The following SARNP variants were observed in gnomAD, a reference collection of about 807,000 sequenced individuals.
SARNP encodes SAP domain-containing ribonucleoprotein.
A neutral mutation model predicts 38.1 loss-of-function variants in SARNP; 5 were observed. The ratio of observed to expected loss-of-function variants is 0.13; its 90% CI spans 0.07 to 0.28. The LOEUF is 0.28. Among genes scored for constraint, SARNP ranks in the 10% least tolerant of loss-of-function variants. The pLI is 1.00. For missense variants in SARNP, 180 were observed against 243.9 expected, an observed-to-expected ratio of 0.74 and a Z score of 1.75; for synonymous variants, 84 against 80.6, an observed-to-expected ratio of 1.04 and a Z score of -0.23.
In SARNP at chr12:55,767,848, G is replaced by GAAAAA. The variant is rs767928003; in HGVS notation, c.502-7213_502-7209dup. On this transcript the variant is annotated intron_variant, in intron 9 of 10. Transcript: ENST00000336133. ...GGCAACAGAGCGAGACTCCCTCTCA[G>GAAAAA]AAAAAAAAAAAAAAAAAAAAAAAGG... Among the ~76,000 whole-genome samples, 118 of 35,402 alleles carry GAAAAA rather than the reference G, an allele frequency of 3.3e-3. 2 individuals carry two copies. Among genetic ancestry groups the GAAAAA allele is most frequent in the African/African-American group, 0.011 (113 of 10,366 alleles). 23.2% of individuals were successfully genotyped at this position (35,402 alleles called of 152,430 possible).
chr12:55,815,130 T>C (rs929190282), intron 1 of SARNP, among the ~76,000 whole-genome samples: 14 of 152,154 alleles, frequency 9.2e-5, no homozygotes, highest in Non-Finnish European at 1.5e-4. Context: ...ATCACACAGC[T>C]GACCACAGCC....
At chr12:55,775,053 A>AT (rs1343707241) in intron 9 of SARNP, among the ~76,000 whole-genome samples, 1 of 149,686 alleles carries the variant, frequency 6.7e-6, no homozygotes, top group Non-Finnish European at 1.5e-5. Context: ...CACCCGACTA[A>AT]TTTTTTTGTA....
intron 10 of SARNP, among the ~76,000 whole-genome samples, chr12:55,758,905 C>CT (rs1161845803): frequency 0.023 from 3,135 of 136,634 alleles, 70 homozygotes; most frequent in African/African-American, 0.044. Flanking sequence ...GCCTAATATA[C>CT]TTTTTTTTTT....
chr12:55,813,673 T>G (rs1462817489), intron 1 of SARNP, among the ~76,000 whole-genome samples: 1 of 151,272 alleles, frequency 6.6e-6, no homozygotes, highest in Non-Finnish European at 1.5e-5. Flanking sequence ...GCCCCCCGAG[T>G]AGCTGGGATT....
intron 1 of SARNP, among the ~76,000 whole-genome samples, chr12:55,816,804 G>A (rs905251510): frequency 6.6e-6 from 1 of 151,866 alleles, no homozygotes; most frequent in Non-Finnish European, 1.5e-5. Flanking sequence ...ATATATCTAA[G>A]TGTGAAAAAA....
At chr12:55,762,305 C>CTT (rs199874808) in intron 9 of SARNP, among the ~76,000 whole-genome samples, 24 of 137,284 alleles carry the variant, frequency 1.7e-4, no homozygotes, top group African/African-American at 2.9e-4. Flanking sequence ...TTCAAACAAA[C>CTT]TTTTTTTTTT....
At chr12:55,803,985 C>T (rs1880061438) in intron 1 of SARNP, among the ~76,000 whole-genome samples, 1 of 152,088 alleles carries the variant, frequency 6.6e-6, no homozygotes, top group Non-Finnish European at 1.5e-5. Flanking sequence ...ATTTGTATAC[C>T]TACTAACTGT....
At chr12:55,772,366 C>T (rs2136184132) in intron 9 of SARNP, among the ~76,000 whole-genome samples, 1 of 152,278 alleles carries the variant, frequency 6.6e-6, no homozygotes, top group South Asian at 2.1e-4. Context: ...AATTGCATCT[C>T]CTCTTATCTT....
At chr12:55,765,466 T>C (rs1473131925) in intron 9 of SARNP, among the ~76,000 whole-genome samples, 1 of 151,960 alleles carries the variant, frequency 6.6e-6, no homozygotes, top group Admixed American at 6.6e-5. Context: ...AACCTTAGCC[T>C]CCTCAGTAGC....
intron 9 of SARNP, among the ~76,000 whole-genome samples, chr12:55,782,410 T>C (rs755510963): frequency 6.6e-6 from 1 of 152,186 alleles, no homozygotes; most frequent in African/African-American, 2.4e-5. Flanking sequence ...AAGTTTCTCC[T>C]TTCCGAGGGT....
chr12:55,807,197 G>A lies in SARNP; in HGVS notation c.37-3469C>T, dbSNP rs1403699727. On this transcript the variant is annotated intron_variant, in intron 1 of 10. Transcript: ENST00000336133. The stretch of plus-strand genomic sequence containing the variant: ...AATAAAAATCAATTACTACAAAAAT[G>A]AGCGTAGTGACTTGGATATAGCAGT... Among the ~76,000 whole-genome samples the A allele has an allele frequency of 2.6e-5, 4 of 152,284 alleles. No homozygotes were observed. In the East Asian group the frequency reaches 5.8e-4, roughly 22 times the overall value.
intron 9 of SARNP, among the ~76,000 whole-genome samples, chr12:55,786,966 C>T (rs1229316524): frequency 6.6e-6 from 1 of 152,034 alleles, no homozygotes; most frequent in Non-Finnish European, 1.5e-5. Context: ...CGCAGTGGCT[C>T]ACACCTATAG....
chr12:55,788,973 T>C, intron 9 of SARNP, 102 bp downstream of exon 9: 3 of 763,908 alleles, frequency 3.9e-6, no homozygotes, highest in South Asian at 3.2e-5. Flanking sequence ...ATGAAATGCT[T>C]TGTAGCCAGC....
chr12:55,763,520 C>T (rs1592554847), intron 9 of SARNP, among the ~76,000 whole-genome samples: 1 of 152,228 alleles, frequency 6.6e-6, no homozygotes, highest in African/African-American at 2.4e-5. Flanking sequence ...GTTAGCCAAA[C>T]TGGTCTCGAA....
Position 55,757,450 on chromosome 12 carries a change from T to C in SARNP, c.*62A>G. 1 of 1,465,224 alleles carries C rather than the reference T, an allele frequency of 6.8e-7. No homozygotes were observed. The highest frequency in any genetic ancestry group is 9.4e-7 in the Non-Finnish European group (1 of 1,062,604). 90.8% of individuals were successfully genotyped at this position (1,465,224 alleles called of 1,614,324 possible). A position where few individuals can be genotyped will look rare whatever the true frequency, so the allele number is the denominator to read the frequency against. On this transcript the variant is annotated 3_prime_UTR_variant, in exon 11 of 11. Coordinates refer to ENST00000336133, the MANE Select transcript of SARNP (RefSeq NM_033082.4). ...ATGACTGTGCATTTAGGCATATATG[T>C]GACCAAGAAGAAGGAGAGAAATGGA... is the stretch of plus-strand genomic sequence containing the variant.
intron 1 of SARNP, among the ~76,000 whole-genome samples, chr12:55,816,908 T>C (rs1463931607): frequency 2.6e-5 from 4 of 151,926 alleles, no homozygotes; most frequent in Non-Finnish European, 5.9e-5. Flanking sequence ...ACCCGAGATA[T>C]GAAATGGAAC....
At chr12:55,756,523 T>C (rs1164053719), downstream of SARNP, 1 of 152,200 alleles carries the variant, frequency 6.6e-6, no homozygotes, top group Admixed American at 6.5e-5. Flanking sequence ...GACCTGATCA[T>C]AGTACCAAAG....
At chr12:55,782,930 G>A (rs1879381469) in intron 9 of SARNP, among the ~76,000 whole-genome samples, 1 of 152,012 alleles carries the variant, frequency 6.6e-6, no homozygotes. Context: ...GGGCAACATG[G>A]TGAAACCCCA....
At chr12:55,810,392 T>C (rs1042860112) in intron 1 of SARNP, among the ~76,000 whole-genome samples, 8 of 151,916 alleles carry the variant, frequency 5.3e-5, no homozygotes, top group African/African-American at 1.5e-4. Flanking sequence ...GTTAGGATTA[T>C]AGGCGTGAGC....
Sources: gnomAD v4.1 joint callset for allele counts (sites outside exome capture counted in the v4.1 genomes callset) on GRCh38, gnomAD v4.1.1 for gene constraint, MANE v1.5 for transcripts, NCBI Gene and HGNC (gene_info 2026-07-23, HGNC 2026-07-21) for gene names.